NAV1: variants seen among roughly 807,000 people sequenced by gnomAD.
The protein encoded by NAV1 is pore membrane and/or filament interacting like protein 3.
Under a neutral mutation model 175.2 loss-of-function variants are expected in NAV1, and 18 were observed. The ratio of observed to expected loss-of-function variants is 0.10; its 90% CI spans 0.07 to 0.15. The LOEUF is 0.15. NAV1 is among the 10% of genes least tolerant of loss of function. The pLI is 1.00. For missense variants in NAV1, 1,731 were observed against 2,436.6 expected (o/e 0.71, Z 6.10); for synonymous variants, 897 against 978.7 (o/e 0.92, Z 1.56).
Position 201,771,238 on chromosome 1 carries a change from C to CAAAAA in NAV1, c.1227-9170_1227-9166dup, listed in dbSNP as rs3054144. Reference sequence around the variant, plus strand: ...TGGGCGACAGAGCGAGACTCCGTCTCAAAAAAAAAAAAAAAAACATCTGGT... The same window carrying CAAAAA: ...TGGGCGACAGAGCGAGACTCCGTCTCAAAAAAAAAAAAAAAAAAAAAACATCTGGT... On this transcript the variant is annotated intron_variant, in intron 3 of 29. Coordinates refer to ENST00000367296, the Ensembl canonical transcript of NAV1. 6.2e-4 allele frequency among the ~76,000 whole-genome samples: 57 copies of CAAAAA among 92,662 alleles called. 2 individuals are homozygous for CAAAAA. The highest frequency in any genetic ancestry group is 3.9e-3 in the East Asian group (11 of 2,846). 60.8% of individuals were successfully genotyped at this position (92,662 alleles called of 152,430 possible).
At chr1:201,603,269 C>T (rs1005836927) in intron 2 of NAV1, among the ~76,000 whole-genome samples, 1 of 152,162 alleles carries the variant, frequency 6.6e-6, no homozygotes, top group Non-Finnish European at 1.5e-5. Context: ...GCCAAAGCTC[C>T]ACCTGCCTGC....
intron 1 of NAV1, among the ~76,000 whole-genome samples, chr1:201,583,686 T>C (rs1444849254): frequency 6.6e-6 from 1 of 152,206 alleles, no homozygotes; most frequent in Non-Finnish European, 1.5e-5. Context: ...AAGGAAGCCA[T>C]GGAAATAAAT....
upstream of NAV1, among the ~76,000 whole-genome samples, chr1:201,621,469 G>T (rs1393197904): frequency 1.3e-5 from 2 of 151,770 alleles, no homozygotes; most frequent in Non-Finnish European, 2.9e-5. Flanking sequence ...AAGTAGCTGG[G>T]ATTACAGGCG....
intron 15 of NAV1, 147 bp from the exon 20 acceptor site, chr1:201,803,446 G>C (rs1678066685): frequency 2.7e-6 from 2 of 740,816 alleles, no homozygotes. Flanking sequence ...ATAAATGTTT[G>C]CTGAATGAAT....
intron 1 of NAV1, among the ~76,000 whole-genome samples, chr1:201,571,614 C>T (rs1050217397): frequency 6.6e-6 from 1 of 152,208 alleles, no homozygotes; most frequent in South Asian, 2.1e-4. Flanking sequence ...GGGTGCCCAG[C>T]AGAACTGCAA....
At chr1:201,716,737 G>A (rs1672157275) in intron 2 of NAV1, among the ~76,000 whole-genome samples, 3 of 152,182 alleles carry the variant, frequency 2.0e-5, no homozygotes, top group African/African-American at 7.2e-5. Context: ...AAATTAGCCA[G>A]ATGTGCTCAT....
At chr1:201,729,343 G>A (rs1312312871) in intron 3 of NAV1, among the ~76,000 whole-genome samples, 1 of 152,220 alleles carries the variant, frequency 6.6e-6, no homozygotes, top group Non-Finnish European at 1.5e-5. Flanking sequence ...GTGAAATATA[G>A]TGTATGTAAT....
chr1:201,762,133 T>C (rs1307912732), intron 3 of NAV1, among the ~76,000 whole-genome samples: 1 of 152,214 alleles, frequency 6.6e-6, no homozygotes, highest in Non-Finnish European at 1.5e-5. Flanking sequence ...GCATTCCAGT[T>C]AGGTGACAGA....
At chr1:201,627,265 C>T (rs974874299) in intron 1 of NAV1, among the ~76,000 whole-genome samples, 1 of 151,798 alleles carries the variant, frequency 6.6e-6, no homozygotes, top group Non-Finnish European at 1.5e-5. Flanking sequence ...TGGCCTATTC[C>T]TATTTTTCTT....
chr1:201,691,421 T>G (rs1489203002), intron 1 of NAV1, among the ~76,000 whole-genome samples: 1 of 152,214 alleles, frequency 6.6e-6, no homozygotes, highest in Non-Finnish European at 1.5e-5. Context: ...TTTATTTTGT[T>G]TTGGTCAGCT....
At chr1:201,802,030 G>T (rs1038245120) in intron 15 of NAV1, among the ~76,000 whole-genome samples, 1 of 147,542 alleles carries the variant, frequency 6.8e-6, no homozygotes, top group Non-Finnish European at 1.5e-5. Context: ...CCAGCTACTT[G>T]GGAGGCTGAG....
Position 201,590,678 on chromosome 1 carries a change from G to A in NAV1, c.-33+2029G>A, listed in dbSNP as rs114682718. 1.9e-3 allele frequency among the ~76,000 whole-genome samples: 283 copies of A among 152,324 alleles called. 3 individuals are homozygous for A. Among genetic ancestry groups the A allele is most frequent in the African/African-American group, 6.3e-3 (262 of 41,578 alleles). ...CTGTTTGGGTGGGTGAGGCTTGCGCGCGGGGCCAGGAGTCAGAGCATCTAG... is the reference window on the plus strand; with the variant it reads ...CTGTTTGGGTGGGTGAGGCTTGCGCACGGGGCCAGGAGTCAGAGCATCTAG... On this transcript the variant is annotated intron_variant, in intron 2 of 33. Transcript: ENST00000685211.
intron 2 of NAV1, among the ~76,000 whole-genome samples, chr1:201,615,907 G>T (rs899135101): frequency 6.6e-6 from 1 of 152,160 alleles, no homozygotes; most frequent in Non-Finnish European, 1.5e-5. Context: ...GACCTGGCAG[G>T]TGTTCTTATC....
intron 3 of NAV1, among the ~76,000 whole-genome samples, chr1:201,725,637 A>G (rs936887027): frequency 8.5e-6 from 1 of 118,190 alleles, no homozygotes; most frequent in African/African-American, 3.0e-5. Context: ...TGACAGAGCA[A>G]GACTCCGTCT....
Position 201,820,030 on chromosome 1 carries a change from C to T in NAV1, c.*98C>T, listed in dbSNP as rs1231517575. The T allele has an allele frequency of 2.6e-6, 3 of 1,159,078 alleles. No homozygotes were observed. The East Asian group carries it at 7.0e-5, about 27-fold the overall frequency. The allele number at this position is 1,159,078 out of a possible 1,614,324, so 71.8% of individuals were successfully genotyped here. On this transcript the variant is annotated 3_prime_UTR_variant, in exon 30 of 30. Coordinates refer to ENST00000367296, the Ensembl canonical transcript of NAV1. ...CTCCTCTTTCAGAGCACTGGCTCTC[C>T]AGCCCCAGGAGGAGAACAGGAGGGA...
Position 201,705,494 on chromosome 1 carries a change from C to T in NAV1, c.758-7323C>T, listed in dbSNP as rs188794953. The stretch of plus-strand genomic sequence containing the variant: ...GCCCACTCGCTGATTGAGATGGTTC[C>T]GGATTCTCTGGGGTAAGGATGAAAA... On this transcript the variant is annotated intron_variant, in intron 1 of 29. Coordinates refer to ENST00000367296, the Ensembl canonical transcript of NAV1. Among the ~76,000 whole-genome samples the T allele has an allele frequency of 3.0e-3, 458 of 152,206 alleles. 3 individuals carry two copies. Among genetic ancestry groups the T allele is most frequent in the Middle Eastern group, 0.017 (5 of 294 alleles).
chr1:201,671,692 C>T (rs938531023), intron 1 of NAV1, among the ~76,000 whole-genome samples: 6 of 152,214 alleles, frequency 3.9e-5, no homozygotes, highest in Admixed American at 2.6e-4. Flanking sequence ...AGACCCTGGG[C>T]ACGCTGGGTC....
At chr1:201,751,645 T>C (rs1024043147) in intron 3 of NAV1, among the ~76,000 whole-genome samples, 1 of 152,240 alleles carries the variant, frequency 6.6e-6, no homozygotes, top group African/African-American at 2.4e-5. Context: ...CAATACCTGA[T>C]TCTGTAAAAA....
intron 2 of NAV1, among the ~76,000 whole-genome samples, chr1:201,598,804 C>T (rs1030704561): frequency 6.6e-6 from 1 of 152,174 alleles, no homozygotes; most frequent in Non-Finnish European, 1.5e-5. Context: ...CTGGTAGGGT[C>T]CCGGCCATGA....
Sources: gnomAD v4.1 joint callset for allele counts (sites outside exome capture counted in the v4.1 genomes callset) on GRCh38, gnomAD v4.1.1 for gene constraint, MANE v1.5 for transcripts, NCBI Gene and HGNC (gene_info 2026-07-23, HGNC 2026-07-21) for gene names.